Variants in AGBL1 observed in about 807,000 individuals in gnomAD.
The protein encoded by AGBL1 is AGBL carboxypeptidase 1.
A neutral mutation model predicts 118.9 loss-of-function variants in AGBL1; 130 were observed. That is an observed-to-expected ratio of 1.09 (90% confidence interval 0.95 to 1.26). The LOEUF (loss-of-function observed/expected upper bound fraction) is 1.26. Ranked by LOEUF, AGBL1 falls within the 50% of genes most tolerant of loss-of-function variation. The pLI, the probability that AGBL1 is intolerant of heterozygous loss-of-function variation, is 0.00. For synonymous variants in AGBL1, 555 were observed against 478.9 expected (o/e 1.16, Z -2.08); for missense variants, 1,584 against 1,298.1 (o/e 1.22, Z -3.38).
At chr15:87,018,656 A>G (rs1213674058) in intron 24 of AGBL1, among the ~76,000 whole-genome samples, 1 of 151,518 alleles carries the variant, frequency 6.6e-6, no homozygotes, top group African/African-American at 2.4e-5. Flanking sequence ...GTATTTTTTT[A>G]CAAAAGCACA....
chr15:86,481,449 G>A lies in AGBL1; in HGVS notation c.2556-41361G>A, dbSNP rs541105174. 1.2e-4 allele frequency among the ~76,000 whole-genome samples: 18 copies of A among 152,134 alleles called. No homozygotes were observed. The South Asian group carries it at 2.1e-3, about 18-fold the overall frequency. On this transcript the variant is annotated intron_variant, in intron 18 of 22. Coordinates refer to ENST00000614907, the MANE Select transcript of AGBL1 (RefSeq NM_001386094.1). ...ACCTTCTGGGAGCAGGACTTTCTGC[G>A]TTCTTTTATTATTCTTATAGCTTCT... is the stretch of plus-strand genomic sequence containing the variant.
At chr15:86,489,859 G>T (rs2082757987) in intron 18 of AGBL1, among the ~76,000 whole-genome samples, 1 of 152,132 alleles carries the variant, frequency 6.6e-6, no homozygotes, top group East Asian at 1.9e-4. Context: ...GCTAGAGAAA[G>T]TCTGCCTGCC....
At chr15:86,278,453 A>G (rs924155280) in intron 15 of AGBL1, among the ~76,000 whole-genome samples, 2 of 140,502 alleles carry the variant, frequency 1.4e-5, no homozygotes, top group Non-Finnish European at 3.0e-5. Context: ...TAAATATTGA[A>G]AAGCCACAAA....
intron 23 of AGBL1, among the ~76,000 whole-genome samples, chr15:86,950,303 G>A (rs1234640292): frequency 6.6e-6 from 1 of 150,592 alleles, no homozygotes; most frequent in Admixed American, 6.6e-5. Flanking sequence ...TAGACTAATG[G>A]AATAAAAAAC....
At chr15:86,308,472 C>G (rs1435793748) in intron 17 of AGBL1, among the ~76,000 whole-genome samples, 2 of 152,194 alleles carry the variant, frequency 1.3e-5, no homozygotes, top group African/African-American at 2.4e-5. Flanking sequence ...TATCAGACTT[C>G]CAGCCTCCAA....
chr15:86,811,654 G>A (rs948895474), intron 22 of AGBL1, among the ~76,000 whole-genome samples: 4 of 152,046 alleles, frequency 2.6e-5, no homozygotes, highest in Admixed American at 2.0e-4. Context: ...AGTTTCCTAG[G>A]ATTTTAGAGG....
intron 5 of AGBL1, among the ~76,000 whole-genome samples, chr15:86,212,269 A>G (rs1171476139): frequency 6.6e-6 from 1 of 152,242 alleles, no homozygotes; most frequent in Non-Finnish European, 1.5e-5. Flanking sequence ...GTGAAGTCAG[A>G]TACATAAATA....
At chr15:86,205,724 C>T (rs1166746149) in intron 5 of AGBL1, among the ~76,000 whole-genome samples, 1 of 152,118 alleles carries the variant, frequency 6.6e-6, no homozygotes, top group Non-Finnish European at 1.5e-5. Flanking sequence ...AGCATCTTTC[C>T]CTATGCTTTG....
At chr15:86,750,439 T>C (rs897874014) in intron 22 of AGBL1, among the ~76,000 whole-genome samples, 1 of 152,034 alleles carries the variant, frequency 6.6e-6, no homozygotes, top group South Asian at 2.1e-4. Context: ...GAACTCCCTT[T>C]TTCTTTTTAA....
At chr15:86,302,088 G>T (rs1256576714) in intron 17 of AGBL1, among the ~76,000 whole-genome samples, 1 of 151,994 alleles carries the variant, frequency 6.6e-6, no homozygotes, top group Non-Finnish European at 1.5e-5. Context: ...ATCGAGGATG[G>T]TTGAATATCT....
At chr15:86,979,396 A>G (rs1418600212) in intron 23 of AGBL1, among the ~76,000 whole-genome samples, 1 of 152,202 alleles carries the variant, frequency 6.6e-6, no homozygotes, top group East Asian at 1.9e-4. Context: ...TATATCTAAT[A>G]CATGATACAA....
At chr15:86,087,088 T>C (rs1895708299) in intron 1 of AGBL1, among the ~76,000 whole-genome samples, 1 of 152,190 alleles carries the variant, frequency 6.6e-6, no homozygotes, top group African/African-American at 2.4e-5. Flanking sequence ...GCCACATAGA[T>C]ACCATTAGCT....
intron 22 of AGBL1, among the ~76,000 whole-genome samples, chr15:86,807,842 G>T (rs756246545): frequency 6.6e-6 from 1 of 152,136 alleles, no homozygotes; most frequent in African/African-American, 2.4e-5. Context: ...TGTACCTACA[G>T]TATGTGAGAG....
chr15:86,748,796 G>A (rs1449302681), intron 22 of AGBL1, among the ~76,000 whole-genome samples: 7 of 151,818 alleles, frequency 4.6e-5, no homozygotes, highest in African/African-American at 1.4e-4. Flanking sequence ...TTTTTGTCAG[G>A]TATGTCAAAG....
intron 18 of AGBL1, among the ~76,000 whole-genome samples, chr15:86,464,640 T>A (rs980515473): frequency 3.3e-5 from 5 of 152,246 alleles, no homozygotes; most frequent in Admixed American, 6.5e-5. Context: ...TTGAGAGTTT[T>A]TAGCATGAAG....
At chr15:86,211,579 C>T (rs910870668) in intron 5 of AGBL1, among the ~76,000 whole-genome samples, 11 of 152,192 alleles carry the variant, frequency 7.2e-5, no homozygotes, top group Non-Finnish European at 1.3e-4. Context: ...GCTGCTACCT[C>T]ACAGGTCGAT....
chr15:86,763,107 A>G (rs891544541), intron 22 of AGBL1, among the ~76,000 whole-genome samples: 1 of 152,004 alleles, frequency 6.6e-6, no homozygotes, highest in East Asian at 1.9e-4. Flanking sequence ...CTGTAAGTGC[A>G]TTTTTGTTCC....
chr15:86,646,341 T>C (rs962150603), intron 21 of AGBL1, among the ~76,000 whole-genome samples: 3 of 152,212 alleles, frequency 2.0e-5, no homozygotes, highest in African/African-American at 7.2e-5. Flanking sequence ...TAGTGGCTAT[T>C]AGCAGGTTTC....
intron 16 of AGBL1, among the ~76,000 whole-genome samples, chr15:86,284,238 G>A (rs1171736647): frequency 1.3e-5 from 2 of 150,026 alleles, no homozygotes; most frequent in Non-Finnish European, 3.0e-5. Flanking sequence ...AATTACAAAG[G>A]CTACTGATGG....
Sources: allele counts gnomAD v4.1 joint callset (sites outside exome capture counted in the v4.1 genomes callset), GRCh38; gene constraint gnomAD v4.1.1; transcripts MANE v1.5; gene names NCBI Gene and HGNC (gene_info 2026-07-23, HGNC 2026-07-21).